LRRC31: variants seen among roughly 807,000 people sequenced by gnomAD.
The protein encoded by LRRC31 is leucine rich repeat containing 31.
Under a neutral mutation model 46.7 loss-of-function variants are expected in LRRC31, and 35 were observed. The ratio of observed to expected loss-of-function variants is 0.75; its 90% CI spans 0.57 to 0.99. The LOEUF (loss-of-function observed/expected upper bound fraction) is 0.99. LRRC31 is among the 50% of genes least tolerant of loss of function. The pLI is 0.00. For missense variants in LRRC31, 613 were observed against 626.1 expected (o/e 0.98, Z 0.22); for synonymous variants, 236 against 235.1 (o/e 1.00, Z -0.03).
In LRRC31 at chr3:169,861,774, A is replaced by G. The variant is rs1315243730; in HGVS notation, c.215T>C (p.Met72Thr). ...CTGCAGGAAATGCTCATTTTTCTCC[A>G]TACTGGATCTCCATTCCATTTCTGA... ...LSSEMEWRSSMEKNEHFLQKL... is the reference protein window; with the variant it reads ...LSSEMEWRSSTEKNEHFLQKL... The change falls in exon 2 of 9, where the codon ATG becomes ACG. Residue 72 changes from methionine to threonine, a missense_variant. Physicochemically the swap from Met to Thr is moderately conservative, Grantham distance 81 (BLOSUM62 -1). Transcript: ENST00000316428. 3 of 1,614,124 alleles carry G rather than the reference A, an allele frequency of 1.9e-6. No individual in the cohort carries two copies. The highest frequency in any genetic ancestry group is 4.5e-5 in the East Asian group (2 of 44,886).
At position 169,861,821 on chromosome 3, in the gene LRRC31, A is replaced by G; in HGVS notation, c.176-8T>C. ...CTGAACTGAGAGGCTTAGCTGTGTG[A>G]TAAGCATAAAAAAGAATTTGCTGTT... On this transcript the variant is annotated splice_region_variant and splice_polypyrimidine_tract_variant and intron_variant, in intron 1 of 8. Coordinates refer to ENST00000316428, the MANE Select transcript of LRRC31 (RefSeq NM_024727.4). 6.2e-7 allele frequency: 1 copy of G among 1,611,446 alleles called. No homozygotes were observed.
At chr3:169,868,708 T>A (rs983247990) in intron 1 of LRRC31, among the ~76,000 whole-genome samples, 16 of 152,358 alleles carry the variant, frequency 1.1e-4, no homozygotes, top group Middle Eastern at 6.8e-3. Flanking sequence ...TCTGTAGTGT[T>A]ATATTGCTTT....
intron 5 of LRRC31, among the ~76,000 whole-genome samples, chr3:169,855,753 T>C (rs999164625): frequency 7.2e-5 from 11 of 152,170 alleles, no homozygotes; most frequent in African/African-American, 2.4e-4. Context: ...AACCTAGTAG[T>C]TCTAGCAGCA....
chr3:169,860,480 A>T, intron 3 of LRRC31, 81 bp downstream of exon 3: 1 of 1,431,150 alleles, frequency 7.0e-7, no homozygotes, highest in Non-Finnish European at 9.8e-7. Flanking sequence ...CGCCAGCCTC[A>T]GCCTCCCAAA....
At chr3:169,856,908 TA>T in intron 3 of LRRC31, 36 bp from the exon 4 acceptor site, 1 of 1,570,868 alleles carries the variant, frequency 6.4e-7, no homozygotes, top group Non-Finnish European at 8.7e-7. Flanking sequence ...TGTTGGTCAC[TA>T]GTCAGAAAAG....
chr3:169,852,269 G>T (rs1029868323), intron 6 of LRRC31, among the ~76,000 whole-genome samples: 1 of 151,440 alleles, frequency 6.6e-6, no homozygotes, highest in Admixed American at 6.6e-5. Flanking sequence ...CGGGCGCAGT[G>T]GCGGGCGCCT....
At chr3:169,859,610 G>C (rs1343381420) in intron 3 of LRRC31, among the ~76,000 whole-genome samples, 2 of 152,332 alleles carry the variant, frequency 1.3e-5, no homozygotes, top group East Asian at 3.9e-4. Flanking sequence ...TGGATAAGTA[G>C]AATGACTGTG....
intron 6 of LRRC31, among the ~76,000 whole-genome samples, chr3:169,854,251 T>A (rs1475476738): frequency 6.6e-6 from 1 of 152,220 alleles, no homozygotes; most frequent in African/African-American, 2.4e-5. Context: ...ACAGGTGGGA[T>A]AAAACCCTTA....
chr3:169,856,570 G>A (rs1780950001), intron 4 of LRRC31, 67 bp from the exon 5 acceptor site: 1 of 1,371,436 alleles, frequency 7.3e-7, no homozygotes, highest in Non-Finnish European at 9.8e-7. Flanking sequence ...ATCACCTGGG[G>A]ATATCGTGAC....
In LRRC31 at chr3:169,861,715, C is replaced by T. The variant is rs1206248443; in HGVS notation, c.274G>A (p.Asp92Asn). 1.9e-6 allele frequency: 3 copies of T among 1,614,138 alleles called. No individual in the cohort carries two copies. In the Admixed American group the frequency reaches 5.0e-5, roughly 27 times the overall value. ...GTTGTTAATCCACAGTTATTCAAAT[C>T]TAGACACTTGTTGACAGCCTTTTTG... ...LGKKAVNKCL[D>N]LNNCGLTTAD... The change falls in exon 2 of 9, where the codon GAT (aspartate) becomes AAT (asparagine). Residue 92 changes from aspartate (D) to asparagine (N), a missense_variant. Asp to Asn is a conservative substitution (Grantham distance 23). Transcript: ENST00000316428.
chr3:169,848,675 T>C (rs1431949116), intron 7 of LRRC31, among the ~76,000 whole-genome samples: 1 of 152,196 alleles, frequency 6.6e-6, no homozygotes, highest in Non-Finnish European at 1.5e-5. Flanking sequence ...CCCAGGATGG[T>C]CTCGATCTCC....
chr3:169,853,181 CT>C, intron 6 of LRRC31: 1 of 982,816 alleles, frequency 1.0e-6, no homozygotes, highest in Non-Finnish European at 1.2e-6. Context: ...TCTGTAGCCC[CT>C]GGCACGGTGC....
At position 169,869,840 on chromosome 3, in the gene LRRC31, C is replaced by T. The variant is rs1292628160; in HGVS notation, c.-33G>A. On this transcript the variant is annotated 5_prime_UTR_variant, in exon 1 of 9. It removes an upstream start codon present in the reference 5' UTR. Coordinates refer to ENST00000316428, the MANE Select transcript of LRRC31 (RefSeq NM_024727.4). Reference sequence around the variant, plus strand: ...TTGATGGGGGTAGTTCCCAATAAGACATCTTCCTGTTGCTTTCTGTTTTCT... The same window carrying T: ...TTGATGGGGGTAGTTCCCAATAAGATATCTTCCTGTTGCTTTCTGTTTTCT... 1 of 1,550,356 alleles carries T rather than the reference C, an allele frequency of 6.5e-7. No homozygotes were observed. The highest frequency in any genetic ancestry group is 1.9e-5 in the Admixed American group (1 of 52,522).
In LRRC31 at chr3:169,840,128, A is replaced by G. The variant is rs777878203; in HGVS notation, c.1513T>C (p.Leu505=). 5 of 1,614,118 alleles carry G rather than the reference A, an allele frequency of 3.1e-6. No individual in the cohort carries two copies. Among genetic ancestry groups the G allele is most frequent in the Non-Finnish European group, 1.7e-6 (2 of 1,180,028 alleles). Residue 505 remains leucine (L), a synonymous_variant, in exon 9 of 9, where the codon TTG becomes CTG. Coordinates refer to ENST00000316428, the MANE Select transcript of LRRC31 (RefSeq NM_024727.4). ...GGAAGCTTGGTCACAGCATATAACA[A>G]GTGTCTAAACCATTGTCCACAATCT... ...FRDCGQWFRH[L]LYAVTKLPQI...
In LRRC31 at chr3:169,869,822, G is replaced by T. The variant is rs1352108787; in HGVS notation, c.-15C>A. ...GTTTGACTCATGGTGAAGTTGATGG[G>T]GGTAGTTCCCAATAAGACATCTTCC... On this transcript the variant is annotated 5_prime_UTR_variant, in exon 1 of 9. Transcript: ENST00000316428. 1 of 1,597,626 alleles carries T rather than the reference G, an allele frequency of 6.3e-7. No individual in the cohort carries two copies. Among genetic ancestry groups the T allele is most frequent in the East Asian group, 2.2e-5 (1 of 44,624 alleles).
At position 169,851,744 on chromosome 3, in the gene LRRC31, A is replaced by T; in HGVS notation, c.1034T>A (p.Leu345Ter). 6.2e-7 allele frequency: 1 copy of T among 1,614,208 alleles called. No homozygotes were observed. The highest frequency in any genetic ancestry group is 8.5e-7 in the Non-Finnish European group (1 of 1,180,022). ...PLLSNLQELD[L>*]SANKKMGSSS... Reference sequence around the variant, plus strand: ...ACTGCCCATCTTTTTGTTGGCTGATAAATCCAATTCTTGAAGATTTGAAAG... The same window carrying T: ...ACTGCCCATCTTTTTGTTGGCTGATTAATCCAATTCTTGAAGATTTGAAAG... Residue 345 changes from leucine to a stop codon, truncating the protein, a stop_gained, in exon 7 of 9, where the codon TTA (leucine) becomes TAA (stop). Coordinates refer to ENST00000316428, the MANE Select transcript of LRRC31 (RefSeq NM_024727.4). LOFTEE classifies it high-confidence loss of function.
At chr3:169,869,491 G>T in intron 1 of LRRC31, 142 bp downstream of exon 1, 1 of 549,624 alleles carries the variant, frequency 1.8e-6, no homozygotes, top group Non-Finnish European at 2.9e-6. Flanking sequence ...GGCATTGCAT[G>T]CCTGTATTGA....
intron 6 of LRRC31, chr3:169,853,236 T>G: frequency 1.0e-6 from 1 of 985,274 alleles, no homozygotes; most frequent in Non-Finnish European, 1.2e-6. Flanking sequence ...GCTTAAAGGA[T>G]CTATAATTCC....
At chr3:169,865,803 G>C (rs1242490949) in intron 1 of LRRC31, among the ~76,000 whole-genome samples, 1 of 152,104 alleles carries the variant, frequency 6.6e-6, no homozygotes, top group Non-Finnish European at 1.5e-5. Context: ...GCACCTTAAA[G>C]GAAGAGTGGG....
Sources: allele counts gnomAD v4.1 joint callset (sites outside exome capture counted in the v4.1 genomes callset), GRCh38; gene constraint gnomAD v4.1.1; transcripts MANE v1.5; gene names NCBI Gene and HGNC (gene_info 2026-07-23, HGNC 2026-07-21).